The following TBC1D32 variants were observed in gnomAD, a reference collection of about 807,000 sequenced individuals.
TBC1D32 encodes the protein TBC1 domain family member 32.
In TBC1D32, 151 loss-of-function variants were observed where a neutral mutation model predicts 170.3. The ratio of observed to expected loss-of-function variants is 0.89; its 90% confidence interval spans 0.78 to 1.01. The LOEUF (loss-of-function observed/expected upper bound fraction) is 1.01, where lower values mean the gene tolerates loss of function less well. Among genes scored for constraint, TBC1D32 ranks in the 50% least tolerant of loss-of-function variants. TBC1D32 has a pLI of 0.00. For missense variants in TBC1D32, 1,464 were observed against 1,457.1 expected (o/e 1.00, Z -0.08); for synonymous variants, 498 against 488.0 (o/e 1.02, Z -0.27).
chr6:121,231,770 T>A (rs748460374), intron 20 of TBC1D32, among the ~76,000 whole-genome samples: 1 of 152,148 alleles, frequency 6.6e-6, no homozygotes, highest in Non-Finnish European at 1.5e-5. Context: ...TGGTTGCTTG[T>A]GTTTTTCTTG....
Position 121,205,085 on chromosome 6 carries a change from A to G in TBC1D32, c.2560T>C (p.Phe854Leu), listed in dbSNP as rs778787368. 2.0e-6 allele frequency: 3 copies of G among 1,514,394 alleles called. No homozygotes were observed. The highest frequency in any genetic ancestry group is 2.7e-6 in the Non-Finnish European group (3 of 1,119,772). The allele number at this position is 1,514,394 out of a possible 1,614,324, so 93.8% of individuals were successfully genotyped here. A position where few individuals can be genotyped will look rare whatever the true frequency, so the allele number is the denominator to read the frequency against. ...SLFNYEQSHIFGLRDFIIDGL... is the reference protein window; with the variant it reads ...SLFNYEQSHILGLRDFIIDGL... The stretch of plus-strand genomic sequence containing the variant: ...AATGTAGCATTTTACCTTAGACCAA[A>G]GATATGTGATTGTTCATAGTTGAAT... Residue 854 changes from phenylalanine to leucine, a missense_variant, in exon 22 of 32, where the codon TTT becomes CTT. Around this residue, in one of 3 missense-constraint regions of TBC1D32, gnomAD observed 1,363 missense variants for 1,338.1 expected, o/e 1.02. Coordinates refer to ENST00000398212, the MANE Select transcript of TBC1D32 (RefSeq NM_152730.6).
chr6:121,313,656 G>C (rs1808555754), intron 3 of TBC1D32, among the ~76,000 whole-genome samples: 2 of 152,040 alleles, frequency 1.3e-5, no homozygotes, highest in South Asian at 4.2e-4. Context: ...AGATTTTTAA[G>C]ATTTTATGAC....
At chr6:121,204,287 A>T (rs1791952234) in intron 22 of TBC1D32, among the ~76,000 whole-genome samples, 1 of 151,338 alleles carries the variant, frequency 6.6e-6, no homozygotes, top group Admixed American at 6.6e-5. Flanking sequence ...AAGCTCATCT[A>T]TTAATATACG....
chr6:121,255,784 TTAAAA>T (rs1440100369), intron 16 of TBC1D32, among the ~76,000 whole-genome samples: 2 of 152,084 alleles, frequency 1.3e-5, no homozygotes, highest in Admixed American at 6.5e-5. Flanking sequence ...AAAAATTACT[TTAAAA>T]TAACTCCCAA....
chr6:121,185,677 A>C (rs962923726), intron 22 of TBC1D32, among the ~76,000 whole-genome samples: 1 of 152,168 alleles, frequency 6.6e-6, no homozygotes, highest in Non-Finnish European at 1.5e-5. Context: ...TACACCATAC[A>C]CAAAACTTCA....
At chr6:121,270,349 C>A (rs887185943) in intron 15 of TBC1D32, among the ~76,000 whole-genome samples, 1 of 151,812 alleles carries the variant, frequency 6.6e-6, no homozygotes, top group Non-Finnish European at 1.5e-5. Flanking sequence ...AAAAGATCAA[C>A]AAAATTGATA....
chr6:121,254,882 G>A (rs532042168), intron 17 of TBC1D32, among the ~76,000 whole-genome samples: 1 of 151,992 alleles, frequency 6.6e-6, no homozygotes, highest in Non-Finnish European at 1.5e-5. Context: ...ATTAAAATTT[G>A]ATATAAATAT....
intron 24 of TBC1D32, among the ~76,000 whole-genome samples, chr6:121,150,898 T>G (rs563808319): frequency 6.7e-6 from 1 of 148,268 alleles, no homozygotes; most frequent in Middle Eastern, 3.2e-3. Flanking sequence ...CTCTTTTTTC[T>G]TCTTTAGTAG....
chr6:121,264,779 A>G (rs1583462173), intron 15 of TBC1D32, among the ~76,000 whole-genome samples: 1 of 152,154 alleles, frequency 6.6e-6, no homozygotes, highest in East Asian at 1.9e-4. Context: ...ATCAATAAAC[A>G]TAATTCATCA....
intron 22 of TBC1D32, among the ~76,000 whole-genome samples, chr6:121,186,927 A>G (rs1415795493): frequency 5.4e-5 from 1 of 18,670 alleles, no homozygotes; most frequent in Admixed American, 6.5e-4. Flanking sequence ...CAAAATATTC[A>G]AAGAGCTTAG....
At chr6:121,318,872 T>C (rs1583734714) in intron 2 of TBC1D32, among the ~76,000 whole-genome samples, 1 of 151,288 alleles carries the variant, frequency 6.6e-6, no homozygotes. Flanking sequence ...CTTTTCTGTA[T>C]AATTCTGAAT....
chr6:121,310,701 G>C, intron 4 of TBC1D32, 78 bp downstream of exon 4: 1 of 928,728 alleles, frequency 1.1e-6, no homozygotes, highest in Non-Finnish European at 1.7e-6. Context: ...GAAACAACCT[G>C]GTTGCTACTG....
intron 15 of TBC1D32, 47 bp from the exon 16 acceptor site, chr6:121,256,332 A>C: frequency 6.7e-7 from 1 of 1,489,504 alleles, no homozygotes; most frequent in African/African-American, 1.4e-5. Context: ...ATTAATCTTG[A>C]CTTCATAAAG....
intron 26 of TBC1D32, among the ~76,000 whole-genome samples, chr6:121,121,794 A>C (rs1780297656): frequency 6.6e-6 from 1 of 152,070 alleles, no homozygotes; most frequent in Non-Finnish European, 1.5e-5. Context: ...AATGATAGGT[A>C]AAACACAAAA....
intron 4 of TBC1D32, among the ~76,000 whole-genome samples, chr6:121,308,658 T>C (rs1297586703): frequency 1.3e-5 from 2 of 150,768 alleles, no homozygotes; most frequent in African/African-American, 4.9e-5. Flanking sequence ...CAAAATTGTA[T>C]TTCTGTATTT....
intron 21 of TBC1D32, among the ~76,000 whole-genome samples, chr6:121,206,203 C>T (rs1792239711): frequency 6.9e-6 from 1 of 144,000 alleles, no homozygotes. Context: ...AAGCAAGACT[C>T]TGTCTCAGAA....
At chr6:121,334,527 G>C, upstream of TBC1D32, 1 of 1,405,676 alleles carries the variant, frequency 7.1e-7, no homozygotes, top group Non-Finnish European at 9.5e-7. Flanking sequence ...CCCCGGCTAC[G>C]TGCGGCGTCG....
Position 121,291,866 on chromosome 6 carries a change from T to C in TBC1D32, c.1372+187A>G, listed in dbSNP as rs1313778547. Among the ~76,000 whole-genome samples, 3 of 151,838 alleles carry C rather than the reference T, an allele frequency of 2.0e-5. No homozygotes were observed. In the East Asian group the frequency reaches 5.8e-4, roughly 29 times the overall value. The stretch of plus-strand genomic sequence containing the variant: ...AATAATAATAAAAAAAAAATACATG[T>C]AGAAAGAAGCACATACTGAAAACTA... On this transcript the variant is annotated intron_variant, in intron 12 of 31. Coordinates refer to ENST00000398212, the MANE Select transcript of TBC1D32 (RefSeq NM_152730.6).
At chr6:121,162,675 T>A (rs559838241) in intron 22 of TBC1D32, among the ~76,000 whole-genome samples, 10 of 152,140 alleles carry the variant, frequency 6.6e-5, no homozygotes, top group Non-Finnish European at 1.3e-4. Flanking sequence ...AAAAGCTTCT[T>A]AAGCTGACAA....
Sources: allele counts gnomAD v4.1 joint callset (sites outside exome capture counted in the v4.1 genomes callset), GRCh38; gene constraint gnomAD v4.1.1; regional missense constraint gnomAD v4.1.1; transcripts MANE v1.5; gene names NCBI Gene and HGNC (gene_info 2026-07-23, HGNC 2026-07-21).